Variants in RSRC1 observed in about 807,000 individuals in gnomAD.
The protein encoded by RSRC1 is arginine and serine rich coiled-coil 1.
In RSRC1, 39 loss-of-function variants were observed where a neutral mutation model predicts 49.1. That is an observed-to-expected ratio of 0.79 (90% confidence interval 0.61 to 1.04). The LOEUF is 1.04. Among genes scored for constraint, RSRC1 ranks in the 50% least tolerant of loss-of-function variants. The pLI is 0.00. For synonymous variants in RSRC1, 143 were observed against 130.8 expected, an observed-to-expected ratio of 1.09 and a Z score of -0.63; for missense variants, 388 against 402.4, an observed-to-expected ratio of 0.96 and a Z score of 0.31.
intron 3 of RSRC1, among the ~76,000 whole-genome samples, chr3:158,176,795 G>A (rs766435808): frequency 1.8e-4 from 27 of 152,086 alleles, no homozygotes; most frequent in South Asian, 4.1e-4. Context: ...ATTGACAAAC[G>A]GGATCTAATT....
intron 3 of RSRC1, among the ~76,000 whole-genome samples, chr3:158,133,660 C>G (rs1399394675): frequency 6.6e-6 from 1 of 152,146 alleles, no homozygotes; most frequent in Non-Finnish European, 1.5e-5. Context: ...CTTTCTGAAA[C>G]CACACATATG....
Position 158,197,455 on chromosome 3 carries a change from C to T in RSRC1, c.321-5617C>T, listed in dbSNP as rs146294162. 1.8e-4 allele frequency among the ~76,000 whole-genome samples: 28 copies of T among 152,176 alleles called. No individual in the cohort carries two copies. In the East Asian group the frequency reaches 5.4e-3, roughly 29 times the overall value. On this transcript the variant is annotated intron_variant, in intron 3 of 9. Transcript: ENST00000611884. ...TGTTGATCTTTTCACAAAAGCAGCT[C>T]CTGATTTCATTGATTTTTTGAAGGG...
chr3:158,169,257 C>T (rs1718719905), intron 3 of RSRC1, among the ~76,000 whole-genome samples: 1 of 152,176 alleles, frequency 6.6e-6, no homozygotes, highest in African/African-American at 2.4e-5. Context: ...ATTATGCTAA[C>T]CCTTCCGTTT....
At chr3:158,257,259 T>C (rs533967411) in intron 4 of RSRC1, among the ~76,000 whole-genome samples, 1 of 152,318 alleles carries the variant, frequency 6.6e-6, no homozygotes, top group South Asian at 2.1e-4. Context: ...TCCCAGAGGT[T>C]CTGGTACACT....
intron 1 of RSRC1, among the ~76,000 whole-genome samples, chr3:158,111,167 A>G (rs1447785652): frequency 6.6e-6 from 1 of 152,198 alleles, no homozygotes; most frequent in Non-Finnish European, 1.5e-5. Flanking sequence ...CAGGTTTAAG[A>G]TTTGGAGCAG....
chr3:158,279,576 C>T (rs531427306), intron 4 of RSRC1, among the ~76,000 whole-genome samples: 5 of 152,152 alleles, frequency 3.3e-5, no homozygotes, highest in African/African-American at 2.4e-5. Context: ...TTAAATATTA[C>T]TAATAAAAAT....
intron 5 of RSRC1, among the ~76,000 whole-genome samples, chr3:158,326,720 G>T (rs1172298698): frequency 6.6e-6 from 1 of 152,176 alleles, no homozygotes; most frequent in Non-Finnish European, 1.5e-5. Flanking sequence ...CCAGGCTTTG[G>T]TATCAGGATG....
intron 4 of RSRC1, among the ~76,000 whole-genome samples, chr3:158,281,312 A>T (rs1053003444): frequency 6.6e-6 from 1 of 151,392 alleles, no homozygotes; most frequent in Non-Finnish European, 1.5e-5. Flanking sequence ...TTAGTTTTGG[A>T]TCTATTGAGC....
chr3:158,302,834 A>T (rs1176056900), intron 5 of RSRC1: 3 of 150,912 alleles, frequency 2.0e-5, no homozygotes, highest in Admixed American at 6.6e-5. Context: ...GCTAATTTTT[A>T]TATGTTTAGT....
intron 5 of RSRC1, among the ~76,000 whole-genome samples, chr3:158,305,303 T>A (rs528689322): frequency 7.1e-4 from 108 of 152,192 alleles, no homozygotes; most frequent in African/African-American, 2.4e-3. Flanking sequence ...TTGTTGATAG[T>A]CTCAGAATTA....
intron 6 of RSRC1, among the ~76,000 whole-genome samples, chr3:158,429,342 G>A (rs1211564758): frequency 6.7e-6 from 1 of 148,420 alleles, no homozygotes; most frequent in Non-Finnish European, 1.5e-5. Flanking sequence ...TCCATGATAC[G>A]TTTTGGAGTG....
At chr3:158,293,449 T>G (rs937166109) in intron 4 of RSRC1, among the ~76,000 whole-genome samples, 1 of 152,166 alleles carries the variant, frequency 6.6e-6, no homozygotes, top group African/African-American at 2.4e-5. Context: ...TGAATCATTT[T>G]GTATTATGTG....
chr3:158,531,521 C>T (rs1480098237), intron 7 of RSRC1, among the ~76,000 whole-genome samples: 6 of 151,826 alleles, frequency 4.0e-5, no homozygotes, highest in Non-Finnish European at 7.4e-5. Flanking sequence ...TCTTGGATCC[C>T]GTCCAAAGTG....
At position 158,460,985 on chromosome 3, in the gene RSRC1, AAG is replaced by A. The variant is rs1266369285; in HGVS notation, c.638_639del (p.Arg213LysfsTer20). The A allele has an allele frequency of 1.9e-6, 3 of 1,599,528 alleles. No homozygotes were observed. The African/African-American group carries it at 4.0e-5, about 22-fold the overall frequency. On this transcript the variant is annotated frameshift_variant, in exon 7 of 10. Transcript: ENST00000611884. LOFTEE classifies it high-confidence loss of function. ...KAKERNEEEA[K>X]RRKEEDQATL... ...CAAAGAAAGAAATGAGGAAGAAGCA[AAG>A]AGAAGAAAGGAGGAAGGTAAAGGCA... is the stretch of plus-strand genomic sequence containing the variant.
intron 4 of RSRC1, among the ~76,000 whole-genome samples, chr3:158,210,270 T>G (rs1046703113): frequency 4.6e-5 from 7 of 152,210 alleles, no homozygotes; most frequent in South Asian, 2.1e-4. Flanking sequence ...CTGTGTGGTG[T>G]TGTTTTCATT....
chr3:158,484,657 G>A (rs1037261684), intron 7 of RSRC1, among the ~76,000 whole-genome samples: 1 of 152,140 alleles, frequency 6.6e-6, no homozygotes, highest in East Asian at 1.9e-4. Flanking sequence ...GTAGAAATTT[G>A]TAAATCAAAT....
rs1024537261 is a variant in RSRC1 at position 158,344,984 on chromosome 3, C to T, written c.532-9873C>T. Among the ~76,000 whole-genome samples the T allele has an allele frequency of 7.2e-5, 11 of 151,896 alleles. No individual in the cohort carries two copies. The South Asian group carries it at 1.9e-3, about 26-fold the overall frequency. Reference sequence around the variant, plus strand: ...CTGTAATCCCAGCACTTTGGGAGGCCGAGGCTGGCGGATCGCCTGAGGTCG... The same window carrying T: ...CTGTAATCCCAGCACTTTGGGAGGCTGAGGCTGGCGGATCGCCTGAGGTCG... On this transcript the variant is annotated intron_variant, in intron 5 of 9. Transcript: ENST00000611884.
intron 7 of RSRC1, among the ~76,000 whole-genome samples, chr3:158,525,837 A>G (rs1263869664): frequency 6.6e-6 from 1 of 151,994 alleles, no homozygotes; most frequent in Non-Finnish European, 1.5e-5. Context: ...ATGCAGACTA[A>G]TCTAAAGTGG....
chr3:158,196,962 C>G (rs889794200), intron 3 of RSRC1, among the ~76,000 whole-genome samples: 3 of 152,048 alleles, frequency 2.0e-5, no homozygotes, highest in Non-Finnish European at 4.4e-5. Context: ...CTAAAATTCT[C>G]TTTTTTTGTT....
Sources: allele counts gnomAD v4.1 joint callset (sites outside exome capture counted in the v4.1 genomes callset), GRCh38; gene constraint gnomAD v4.1.1; transcripts MANE v1.5; gene names NCBI Gene and HGNC (gene_info 2026-07-23, HGNC 2026-07-21).